The following KLRD1 variants were observed in gnomAD, a reference collection of about 807,000 sequenced individuals.
KLRD1 encodes natural killer cells antigen CD94.
KLRD1 carries 21 observed loss-of-function variants against 22.6 expected under a neutral mutation model. The ratio of observed to expected loss-of-function variants is 0.93; its 90% CI spans 0.66 to 1.34. KLRD1 has a LOEUF of 1.34. Among genes scored for constraint, KLRD1 ranks in the 40% most tolerant of loss-of-function variants. The pLI, the probability that KLRD1 is intolerant of heterozygous loss-of-function variation, is 0.00. For missense variants in KLRD1, 183 were observed against 208.6 expected, an observed-to-expected ratio of 0.88 and a Z score of 0.76; for synonymous variants, 59 against 71.1, an observed-to-expected ratio of 0.83 and a Z score of 0.85.
chr12:10,248,352 T>G (rs1342080482), intron 1 of KLRD1, among the ~76,000 whole-genome samples: 2 of 152,012 alleles, frequency 1.3e-5, no homozygotes, highest in Non-Finnish European at 2.9e-5. Context: ...GCACTCTTTT[T>G]AAAAAAATGG....
chr12:10,241,535 A>G (rs774999088), intron 1 of KLRD1, among the ~76,000 whole-genome samples: 3 of 152,204 alleles, frequency 2.0e-5, no homozygotes, highest in Non-Finnish European at 4.4e-5. Context: ...TAGGTCCTTG[A>G]AAATGACATT....
rs1021207966 is a variant in KLRD1 at position 10,320,802 on chromosome 12, A to C, written c.*6009A>C. The C allele has an allele frequency of 3.9e-5, 6 of 152,194 alleles. No individual in the cohort carries two copies. The highest frequency in any genetic ancestry group is 1.4e-4 in the African/African-American group (6 of 41,452). 9.4% of individuals were successfully genotyped at this position (152,194 alleles called of 1,614,324 possible). ...ATAGAAAGAACACAAGTAGTGCCTC[A>C]ATTCAGTCAGATGAAGATCTATAAA... On this transcript the variant is annotated 3_prime_UTR_variant, in exon 6 of 6. Coordinates refer to ENST00000336164, the MANE Select transcript of KLRD1 (RefSeq NM_002262.5).
chr12:10,292,771 T>C (rs1417776715), intron 1 of KLRD1, among the ~76,000 whole-genome samples: 2 of 152,146 alleles, frequency 1.3e-5, no homozygotes, highest in Non-Finnish European at 2.9e-5. Context: ...GCCTGTCCTT[T>C]GAAGCTTTGA....
At chr12:10,286,973 A>G in intron 1 of KLRD1, among the ~76,000 whole-genome samples, 1 of 151,980 alleles carries the variant, frequency 6.6e-6, no homozygotes, top group Non-Finnish European at 1.5e-5. Context: ...CCCCATTTCT[A>G]CTAAGAATAC....
At chr12:10,300,854 C>T (rs7966586), upstream of KLRD1, among the ~76,000 whole-genome samples, 148,955 of 152,354 alleles carry the variant, frequency 0.98, 72,902 homozygotes, top group East Asian at 1. Context: ...CACTTGCTGC[C>T]TCACCTTGCA....
At chr12:10,249,979 A>G (rs1381965413) in intron 1 of KLRD1, among the ~76,000 whole-genome samples, 1 of 152,154 alleles carries the variant, frequency 6.6e-6, no homozygotes, top group Non-Finnish European at 1.5e-5. Flanking sequence ...AGTGAGGAGT[A>G]TAGTAGTCCT....
upstream of KLRD1, among the ~76,000 whole-genome samples, chr12:10,300,238 G>C (rs925130127): frequency 2.0e-5 from 3 of 152,072 alleles, no homozygotes; most frequent in African/African-American, 7.2e-5. Context: ...CCCTATCTTT[G>C]GTAGTTAGAG....
At chr12:10,306,425 A>G (rs1201219946), upstream of KLRD1, among the ~76,000 whole-genome samples, 1 of 152,172 alleles carries the variant, frequency 6.6e-6, no homozygotes, top group Non-Finnish European at 1.5e-5. Context: ...GGTTCTAAAA[A>G]CTTAGAACCT....
At chr12:10,256,518 T>A (rs1949397823) in intron 1 of KLRD1, among the ~76,000 whole-genome samples, 1 of 151,418 alleles carries the variant, frequency 6.6e-6, no homozygotes, top group Non-Finnish European at 1.5e-5. Context: ...AAAGATTATT[T>A]ATAATATTTA....
upstream of KLRD1, among the ~76,000 whole-genome samples, chr12:10,304,276 G>A (rs756116913): frequency 2.0e-5 from 3 of 152,132 alleles, no homozygotes; most frequent in Non-Finnish European, 2.9e-5. Context: ...AATGGTGTTT[G>A]TGGCTGCACC....
chr12:10,305,733 A>T (rs1949911852), upstream of KLRD1, among the ~76,000 whole-genome samples: 1 of 152,238 alleles, frequency 6.6e-6, no homozygotes, highest in Non-Finnish European at 1.5e-5. Context: ...AGCTATACAG[A>T]TAACTAGTTG....
intron 1 of KLRD1, among the ~76,000 whole-genome samples, chr12:10,274,279 C>T (rs564309324): frequency 6.6e-6 from 1 of 151,086 alleles, no homozygotes; most frequent in South Asian, 2.1e-4. Flanking sequence ...AACTCCATTT[C>T]AAAAAAAAAT....
intron 1 of KLRD1, among the ~76,000 whole-genome samples, chr12:10,245,152 G>T (rs1565445667): frequency 6.6e-6 from 1 of 152,122 alleles, no homozygotes; most frequent in Non-Finnish European, 1.5e-5. Flanking sequence ...GAGGTCACGA[G>T]TTCAAGACCA....
At chr12:10,282,720 TAGA>T (rs1439970885) in intron 1 of KLRD1, among the ~76,000 whole-genome samples, 2 of 152,182 alleles carry the variant, frequency 1.3e-5, no homozygotes, top group Non-Finnish European at 2.9e-5. Context: ...GGTACAAAGT[TAGA>T]AGATGTGTTC....
intron 1 of KLRD1, among the ~76,000 whole-genome samples, chr12:10,293,024 AT>A (rs1224037713): frequency 1.1e-3 from 151 of 138,680 alleles, no homozygotes; most frequent in African/African-American, 2.7e-3. Context: ...CTAGTTTCCA[AT>A]TTTTTTTTTT....
intron 1 of KLRD1, among the ~76,000 whole-genome samples, chr12:10,273,432 T>C (rs954538032): frequency 6.6e-6 from 1 of 152,204 alleles, no homozygotes; most frequent in Admixed American, 6.5e-5. Flanking sequence ...TTTTCATATG[T>C]GGTTTTCTAT....
intron 1 of KLRD1, among the ~76,000 whole-genome samples, chr12:10,284,758 G>A (rs12322217): frequency 0.033 from 5,094 of 152,206 alleles, 294 homozygotes; most frequent in African/African-American, 0.12. Context: ...GCCAAGGCGG[G>A]CAGATCACCT....
chr12:10,239,457 C>CCTTA (rs767475039), intron 1 of KLRD1, among the ~76,000 whole-genome samples: 1 of 112,384 alleles, frequency 8.9e-6, no homozygotes, highest in Non-Finnish European at 1.8e-5. Context: ...TTCCTTCCTT[C>CCTTA]CTTCCTTCCT....
intron 1 of KLRD1, among the ~76,000 whole-genome samples, chr12:10,297,829 C>G (rs1468435805): frequency 1.3e-5 from 2 of 152,184 alleles, no homozygotes; most frequent in East Asian, 3.8e-4. Context: ...ACACAGTGAT[C>G]AACCCAATGA....
Sources: allele counts gnomAD v4.1 joint callset (sites outside exome capture counted in the v4.1 genomes callset), GRCh38; gene constraint gnomAD v4.1.1; transcripts MANE v1.5; gene names NCBI Gene and HGNC (gene_info 2026-07-23, HGNC 2026-07-21).